TNIK: variants seen among roughly 807,000 people sequenced by gnomAD.
TNIK encodes TRAF2 and NCK-interacting protein kinase.
In TNIK, 49 loss-of-function variants were observed where a neutral mutation model predicts 191.3. The observed-to-expected ratio is 0.26, with a 90% CI of 0.20 to 0.32. The LOEUF is 0.32. TNIK is among the 10% of genes least tolerant of loss of function. The pLI is 1.00. For missense variants in TNIK, 1,155 were observed against 1,702.3 expected (o/e 0.68, Z 5.66); for synonymous variants, 594 against 600.9 (o/e 0.99, Z 0.17).
At chr3:171,095,506 T>C (rs1722592142) in intron 22 of TNIK, among the ~76,000 whole-genome samples, 1 of 152,264 alleles carries the variant, frequency 6.6e-6, no homozygotes, top group African/African-American at 2.4e-5. Flanking sequence ...TCTCTAGGCA[T>C]ATTAATTGCA....
chr3:171,264,103 C>T (rs1466604930), intron 2 of TNIK, among the ~76,000 whole-genome samples: 1 of 76,382 alleles, frequency 1.3e-5, no homozygotes, highest in African/African-American at 7.4e-5. Context: ...CACACACACA[C>T]ACACACACAT....
intron 1 of TNIK, among the ~76,000 whole-genome samples, chr3:171,416,502 G>A (rs1011802420): frequency 7.9e-5 from 12 of 151,720 alleles, no homozygotes; most frequent in African/African-American, 9.7e-5. Flanking sequence ...CTAGAAAATC[G>A]AAAAACTAGA....
intron 2 of TNIK, among the ~76,000 whole-genome samples, chr3:171,252,063 C>CGTGTGTGT (rs146267125): frequency 1.5e-5 from 2 of 131,518 alleles, no homozygotes; most frequent in African/African-American, 2.9e-5. Flanking sequence ...ATCTGGTATG[C>CGTGTGTGT]GTGTGTGTGT....
In TNIK at chr3:171,460,203, AG is replaced by A; in HGVS notation, c.-141del. 9.5e-7 allele frequency: 1 copy of A among 1,057,934 alleles called. No individual in the cohort carries two copies. The highest frequency in any genetic ancestry group is 1.4e-6 in the Non-Finnish European group (1 of 728,556). The allele number at this position is 1,057,934 out of a possible 1,614,324, so 65.5% of individuals were successfully genotyped here. Reference sequence around the variant, plus strand: ...GGGCCCAGCCTCCCCCGCCCACCCCAGCCCCACAGCGCCGGATCCCGATCCT... The same window carrying A: ...GGGCCCAGCCTCCCCCGCCCACCCCACCCCACAGCGCCGGATCCCGATCCT... On this transcript the variant is annotated 5_prime_UTR_variant, in exon 1 of 33. Transcript: ENST00000436636. The surrounding 1 kb of genome is among the most constrained non-coding windows in gnomAD (Gnocchi z 6.8).
intron 1 of TNIK, 96 bp downstream of exon 1, chr3:171,459,911 T>C: frequency 7.2e-7 from 1 of 1,380,398 alleles, no homozygotes; most frequent in Non-Finnish European, 1.0e-6. Context: ...CTCCCGCTGC[T>C]GTCCCCCTGC....
chr3:171,126,610 T>C (rs1728510281), intron 16 of TNIK, among the ~76,000 whole-genome samples: 2 of 152,154 alleles, frequency 1.3e-5, no homozygotes, highest in African/African-American at 4.8e-5. Context: ...ATACAGTCAT[T>C]TCCCTCATTT....
chr3:171,266,893 C>G (rs1029022911), intron 2 of TNIK, among the ~76,000 whole-genome samples: 1 of 152,206 alleles, frequency 6.6e-6, no homozygotes, highest in Admixed American at 6.5e-5. Flanking sequence ...TATTTTCACT[C>G]AGAGTCTGTT....
intron 3 of TNIK, among the ~76,000 whole-genome samples, chr3:171,226,109 C>T (rs763522661): frequency 1.4e-4 from 22 of 152,140 alleles, no homozygotes; most frequent in Non-Finnish European, 2.2e-4. Flanking sequence ...TCCTGCTAAT[C>T]GACCATTCCA....
chr3:171,217,707 G>T (rs995744776), intron 3 of TNIK, among the ~76,000 whole-genome samples: 1 of 152,138 alleles, frequency 6.6e-6, no homozygotes, highest in Non-Finnish European at 1.5e-5. Context: ...GGAAGACACA[G>T]ATATGAATCA....
chr3:171,451,181 G>C (rs1185907476), intron 1 of TNIK, among the ~76,000 whole-genome samples: 1 of 152,160 alleles, frequency 6.6e-6, no homozygotes, highest in African/African-American at 2.4e-5. Flanking sequence ...GATTTCCAAG[G>C]CTAGGTCATA....
At chr3:171,189,522 A>G (rs546099374) in intron 6 of TNIK, among the ~76,000 whole-genome samples, 1 of 152,210 alleles carries the variant, frequency 6.6e-6, no homozygotes, top group Non-Finnish European at 1.5e-5. Flanking sequence ...TTGGGGATAC[A>G]AGACAAGTGA....
chr3:171,101,721 C>G, intron 21 of TNIK, 88 bp from the exon 22 acceptor site: 1 of 1,316,030 alleles, frequency 7.6e-7, no homozygotes, highest in Non-Finnish European at 1.0e-6. Flanking sequence ...GCTTAAGCAA[C>G]AAGAAAAAAA....
At chr3:171,080,708 AT>A (rs766245649) in intron 27 of TNIK, among the ~76,000 whole-genome samples, 2 of 152,168 alleles carry the variant, frequency 1.3e-5, no homozygotes, top group Non-Finnish European at 2.9e-5. Flanking sequence ...CCCAAAAAAA[AT>A]GTTTTATATT....
At position 171,363,919 on chromosome 3, in the gene TNIK, C is replaced by A. The variant is rs1304912062; in HGVS notation, c.123+5701G>T. Among the ~76,000 whole-genome samples, 4 of 152,124 alleles carry A rather than the reference C, an allele frequency of 2.6e-5. No individual in the cohort carries two copies. The East Asian group carries it at 7.7e-4, about 29-fold the overall frequency. The stretch of plus-strand genomic sequence containing the variant: ...AAGCCAAAACAGGCGGGTATCACAT[C>A]TCAGGGCAAGATCTTTGATTTTTGC... On this transcript the variant is annotated intron_variant, in intron 2 of 32. Transcript: ENST00000436636.
rs1010365510 is a variant in TNIK at position 171,178,564 on chromosome 3, C to T, written c.640-1184G>A. 2.6e-4 allele frequency among the ~76,000 whole-genome samples: 39 copies of T among 152,180 alleles called. 1 individual carries two copies. The highest frequency in any genetic ancestry group is 1.0e-4 in the Non-Finnish European group (7 of 68,040). On this transcript the variant is annotated intron_variant, in intron 7 of 32. Coordinates refer to ENST00000436636, the MANE Select transcript of TNIK (RefSeq NM_015028.4). Reference sequence around the variant, plus strand: ...AATCTCCATCTCTAACAATATTCTCCTCCCATACTCTGTCTGTGGCTCAGT... The same window carrying T: ...AATCTCCATCTCTAACAATATTCTCTTCCCATACTCTGTCTGTGGCTCAGT...
chr3:171,263,018 TA>T (rs1348555760), intron 2 of TNIK, among the ~76,000 whole-genome samples: 1 of 152,182 alleles, frequency 6.6e-6, no homozygotes, highest in East Asian at 1.9e-4. Context: ...ATAGAACTTA[TA>T]AAGCCATATT....
At chr3:171,114,911 T>G (rs1202014742) in intron 18 of TNIK, among the ~76,000 whole-genome samples, 1 of 151,772 alleles carries the variant, frequency 6.6e-6, no homozygotes, top group Admixed American at 6.5e-5. Flanking sequence ...ATAATCTACA[T>G]TTCAAATTTT....
intron 2 of TNIK, among the ~76,000 whole-genome samples, chr3:171,307,824 T>C (rs1189802781): frequency 3.3e-5 from 5 of 152,146 alleles, no homozygotes; most frequent in Admixed American, 6.6e-5. Context: ...ATAATAATAC[T>C]ATAATGTTAT....
intron 23 of TNIK, among the ~76,000 whole-genome samples, chr3:171,090,155 G>C (rs566106574): frequency 6.6e-6 from 1 of 152,234 alleles, no homozygotes; most frequent in East Asian, 1.9e-4. Context: ...GGGAGAGAAA[G>C]CTCCTCTACA....
Sources: gnomAD v4.1 joint callset for allele counts (sites outside exome capture counted in the v4.1 genomes callset) on GRCh38, gnomAD v4.1.1 for gene constraint, Gnocchi (gnomAD v3.1) non-coding constraint, MANE v1.5 for transcripts, NCBI Gene and HGNC (gene_info 2026-07-23, HGNC 2026-07-21) for gene names.